MBNL1: variants seen among roughly 807,000 people sequenced by gnomAD.
MBNL1 encodes the protein muscleblind like splicing regulator 1, also known as muscleblind-like protein 1.
A neutral mutation model predicts 42.2 loss-of-function variants in MBNL1; 8 were observed. The ratio of observed to expected loss-of-function variants is 0.19; its 90% confidence interval spans 0.11 to 0.34. The LOEUF is 0.34. MBNL1 is among the 10% of genes least tolerant of loss of function. The pLI, the probability that MBNL1 is intolerant of heterozygous loss-of-function variation, is 1.00. For missense variants in MBNL1, 309 were observed against 495.3 expected, an observed-to-expected ratio of 0.62 and a Z score of 3.57; for synonymous variants, 169 against 173.9, an observed-to-expected ratio of 0.97 and a Z score of 0.22.
intron 2 of MBNL1, among the ~76,000 whole-genome samples, chr3:152,375,619 AC>A (rs1485341885): frequency 1.3e-5 from 2 of 152,128 alleles, no homozygotes; most frequent in African/African-American, 4.8e-5. Context: ...CAGCAATGAA[AC>A]CAGTAAGCCC....
rs192033117 is a variant in MBNL1 at position 152,369,951 on chromosome 3, C to A, written c.175-44990C>A. 2.4e-3 allele frequency among the ~76,000 whole-genome samples: 359 copies of A among 152,140 alleles called. 1 individual carries two copies. The highest frequency in any genetic ancestry group is 8.3e-3 in the African/African-American group (343 of 41,510). Reference sequence around the variant, plus strand: ...AGTCTATCTATTTTGTGAATCTTTTCAAAAAACCAGCTCCTGGATTCGTTG... The same window carrying A: ...AGTCTATCTATTTTGTGAATCTTTTAAAAAAACCAGCTCCTGGATTCGTTG... On this transcript the variant is annotated intron_variant, in intron 2 of 9. Coordinates refer to ENST00000324210, the MANE Select transcript of MBNL1 (RefSeq NM_021038.5).
At chr3:152,327,436 C>T (rs903643317) in intron 2 of MBNL1, among the ~76,000 whole-genome samples, 4 of 152,104 alleles carry the variant, frequency 2.6e-5, no homozygotes, top group Non-Finnish European at 5.9e-5. Flanking sequence ...CAACCGCCGC[C>T]TCCTAGGTTT....
At chr3:152,367,827 CT>C (rs1221831801) in intron 2 of MBNL1, among the ~76,000 whole-genome samples, 2 of 151,938 alleles carry the variant, frequency 1.3e-5, no homozygotes, top group African/African-American at 4.8e-5. Flanking sequence ...TATATGTCTT[CT>C]TTTGAGAAAT....
At chr3:152,250,095 G>T (rs1164735073) in intron 2 of MBNL1, among the ~76,000 whole-genome samples, 1 of 152,052 alleles carries the variant, frequency 6.6e-6, no homozygotes, top group African/African-American at 2.4e-5. Flanking sequence ...TTTACTTGGC[G>T]ATGCGGGCTC....
intron 1 of MBNL1, among the ~76,000 whole-genome samples, chr3:152,280,858 G>A (rs909934813): frequency 6.6e-5 from 10 of 151,836 alleles, no homozygotes; most frequent in Non-Finnish European, 1.3e-4. Flanking sequence ...AGAAAATTCA[G>A]GATTTTATTG....
chr3:152,432,206 T>C (rs1199107274), intron 3 of MBNL1, among the ~76,000 whole-genome samples: 1 of 152,246 alleles, frequency 6.6e-6, no homozygotes, highest in Non-Finnish European at 1.5e-5. Context: ...ATGAGATTTA[T>C]TTACAGCTTA....
intron 1 of MBNL1, among the ~76,000 whole-genome samples, chr3:152,293,899 C>G (rs892573327): frequency 6.6e-5 from 10 of 152,060 alleles, no homozygotes; most frequent in Non-Finnish European, 7.4e-5. Flanking sequence ...TTGTAAGCAT[C>G]TCTTTATCTT....
intron 2 of MBNL1, among the ~76,000 whole-genome samples, chr3:152,307,602 A>C (rs368354826): frequency 6.6e-6 from 1 of 152,214 alleles, no homozygotes; most frequent in Non-Finnish European, 1.5e-5. Flanking sequence ...TCACAGATGG[A>C]CACACTGAAA....
intron 3 of MBNL1, among the ~76,000 whole-genome samples, chr3:152,429,194 CAAAAT>C (rs1390417148): frequency 3.3e-5 from 5 of 152,152 alleles, no homozygotes; most frequent in African/African-American, 1.2e-4. Context: ...GATGCTGACA[CAAAAT>C]AAATAAGGAA....
intron 2 of MBNL1, among the ~76,000 whole-genome samples, chr3:152,344,231 G>A (rs1398734512): frequency 1.3e-5 from 2 of 152,110 alleles, no homozygotes; most frequent in Non-Finnish European, 2.9e-5. Flanking sequence ...ACTATGTTTG[G>A]TCTATTGAGA....
chr3:152,345,404 A>G (rs924048022), intron 2 of MBNL1, among the ~76,000 whole-genome samples: 6 of 152,150 alleles, frequency 3.9e-5, no homozygotes, highest in African/African-American at 1.4e-4. Flanking sequence ...GTCATCAGAA[A>G]TAAAAGTGAC....
intron 2 of MBNL1, among the ~76,000 whole-genome samples, chr3:152,391,785 T>C (rs1336857702): frequency 6.6e-6 from 1 of 152,228 alleles, no homozygotes; most frequent in African/African-American, 2.4e-5. Context: ...AGTAAAGTGC[T>C]GACATCCCAG....
At chr3:152,412,092 CAAAG>C (rs1332583626) in intron 2 of MBNL1, among the ~76,000 whole-genome samples, 4 of 152,146 alleles carry the variant, frequency 2.6e-5, no homozygotes, top group Non-Finnish European at 4.4e-5. Context: ...CCTTAACTCT[CAAAG>C]GAAGGTATGT....
intron 2 of MBNL1, among the ~76,000 whole-genome samples, chr3:152,414,030 C>T (rs747686846): frequency 3.9e-5 from 6 of 152,146 alleles, no homozygotes; most frequent in Non-Finnish European, 7.4e-5. Context: ...GATCTCTTGC[C>T]TCAGCCTCCC....
At chr3:152,301,680 A>G (rs2060776532) in intron 2 of MBNL1, among the ~76,000 whole-genome samples, 1 of 152,160 alleles carries the variant, frequency 6.6e-6, no homozygotes, top group South Asian at 2.1e-4. Flanking sequence ...AAAAGTTATA[A>G]ACTCCCATTG....
At chr3:152,381,383 CA>C (rs1029008954) in intron 2 of MBNL1, among the ~76,000 whole-genome samples, 1 of 151,210 alleles carries the variant, frequency 6.6e-6, no homozygotes, top group Non-Finnish European at 1.5e-5. Context: ...AACAAACAAA[CA>C]AAAAAAAGTA....
intron 2 of MBNL1, among the ~76,000 whole-genome samples, chr3:152,330,277 T>A (rs1339032668): frequency 4.6e-5 from 7 of 152,168 alleles, no homozygotes; most frequent in Non-Finnish European, 7.4e-5. Context: ...ACTGCCCAGC[T>A]AAAATGTACT....
At chr3:152,244,550 T>A (rs2032427381) in intron 2 of MBNL1, 1 of 152,068 alleles carries the variant, frequency 6.6e-6, no homozygotes, top group Non-Finnish European at 1.5e-5. Context: ...ACCTGATAAC[T>A]CTTTCAAGTA....
chr3:152,426,060 A>G (rs915743243), intron 3 of MBNL1, among the ~76,000 whole-genome samples: 3 of 152,212 alleles, frequency 2.0e-5, no homozygotes, highest in African/African-American at 7.2e-5. Context: ...ACATGGATGA[A>G]GCTGGAAACC....
Sources: gnomAD v4.1 joint callset for allele counts (sites outside exome capture counted in the v4.1 genomes callset) on GRCh38, gnomAD v4.1.1 for gene constraint, MANE v1.5 for transcripts, NCBI Gene and HGNC (gene_info 2026-07-23, HGNC 2026-07-21) for gene names.